DYM: variants seen among roughly 807,000 people sequenced by gnomAD.
The protein encoded by DYM is dyggve-Melchior-Clausen syndrome protein.
In DYM, 78 loss-of-function variants were observed where a neutral mutation model predicts 93.1. The observed-to-expected ratio is 0.84, with a 90% CI of 0.70 to 1.01. DYM has a LOEUF of 1.01. Ranked by LOEUF, DYM falls within the 50% of genes least tolerant of loss-of-function variation. The pLI is 0.00. For synonymous variants in DYM, 321 were observed against 319.7 expected (o/e 1.00, Z -0.04); for missense variants, 789 against 845.0 (o/e 0.93, Z 0.82).
At chr18:49,398,065 G>T (rs1312443092) in intron 2 of DYM, among the ~76,000 whole-genome samples, 1 of 152,024 alleles carries the variant, frequency 6.6e-6, no homozygotes, top group East Asian at 1.9e-4. Flanking sequence ...TGAATATCCC[G>T]TTACCTTAAG....
At chr18:49,447,227 G>C (rs545102571) in intron 1 of DYM, 6 of 152,280 alleles carry the variant, frequency 3.9e-5, no homozygotes, top group African/African-American at 1.2e-4. Flanking sequence ...AACATGGCTG[G>C]AACAGAAAAG....
At chr18:49,278,558 C>T (rs1222300423) in intron 10 of DYM, among the ~76,000 whole-genome samples, 3 of 152,074 alleles carry the variant, frequency 2.0e-5, no homozygotes, top group Admixed American at 2.0e-4. Flanking sequence ...TTAAGTGTGC[C>T]TCCTCCCATA....
At chr18:49,376,868 G>C (rs1353768671) in intron 5 of DYM, among the ~76,000 whole-genome samples, 1 of 152,162 alleles carries the variant, frequency 6.6e-6, no homozygotes, top group Non-Finnish European at 1.5e-5. Flanking sequence ...GAAAAAGATT[G>C]CAGTAAAACA....
At chr18:49,404,942 G>T (rs767674793) in intron 2 of DYM, among the ~76,000 whole-genome samples, 17 of 151,626 alleles carry the variant, frequency 1.1e-4, no homozygotes, top group Non-Finnish European at 1.8e-4. Context: ...GAACCTGGGA[G>T]GCAGAGGTTG....
chr18:49,142,811 T>C (rs2084671740), intron 15 of DYM, among the ~76,000 whole-genome samples: 1 of 152,182 alleles, frequency 6.6e-6, no homozygotes, highest in Non-Finnish European at 1.5e-5. Flanking sequence ...ACCAACACAG[T>C]AGCAACTTAT....
intron 16 of DYM, among the ~76,000 whole-genome samples, chr18:49,107,636 C>T (rs1315345559): frequency 6.6e-6 from 1 of 152,210 alleles, no homozygotes; most frequent in Non-Finnish European, 1.5e-5. Context: ...TCAGGACCCT[C>T]AGCTGCAGGT....
chr18:49,046,494 G>C (rs2071590141), intron 17 of DYM, among the ~76,000 whole-genome samples: 1 of 145,116 alleles, frequency 6.9e-6, no homozygotes, highest in African/African-American at 2.6e-5. Flanking sequence ...CACACACACA[G>C]ACATACACAG....
intron 14 of DYM, among the ~76,000 whole-genome samples, chr18:49,184,795 A>G (rs1469972057): frequency 6.6e-6 from 1 of 152,226 alleles, no homozygotes; most frequent in Non-Finnish European, 1.5e-5. Flanking sequence ...TAATATTTTT[A>G]GACTACATTT....
chr18:49,062,869 G>A (rs1395115271), intron 17 of DYM, among the ~76,000 whole-genome samples: 3 of 152,220 alleles, frequency 2.0e-5, no homozygotes, highest in African/African-American at 7.2e-5. Context: ...CTTTGAAAAT[G>A]AGGGTGGAAA....
chr18:49,299,551 A>G lies in DYM; in HGVS notation c.764-12935T>C, dbSNP rs139389303. ...AACACCCTGTCCACCCTCCACTACTAAACAACCCTGACATGCATACCCATC... is the reference window on the plus strand; with the variant it reads ...AACACCCTGTCCACCCTCCACTACTGAACAACCCTGACATGCATACCCATC... On this transcript the variant is annotated intron_variant, in intron 8 of 17. Transcript: ENST00000675505. 5.9e-5 allele frequency among the ~76,000 whole-genome samples: 9 copies of G among 152,226 alleles called. No homozygotes were observed. The East Asian group carries it at 1.5e-3, about 26-fold the overall frequency.
intron 1 of DYM, among the ~76,000 whole-genome samples, chr18:49,436,215 T>C (rs952693097): frequency 2.0e-5 from 3 of 152,136 alleles, no homozygotes; most frequent in African/African-American, 7.2e-5. Context: ...GGCGTCTTGC[T>C]ATGTTGCTGA....
At chr18:49,440,413 C>A (rs147022258) in intron 1 of DYM, among the ~76,000 whole-genome samples, 6,509 of 89,338 alleles carry the variant, frequency 0.073, 561 homozygotes, top group East Asian at 0.19. Context: ...ATTATATATG[C>A]TATATAATAT....
intron 2 of DYM, among the ~76,000 whole-genome samples, chr18:49,418,708 A>G (rs916445304): frequency 5.3e-5 from 8 of 152,344 alleles, no homozygotes; most frequent in Admixed American, 5.2e-4. Context: ...CTAGATTCAG[A>G]GTCTCCTCTA....
At chr18:49,298,665 T>C (rs755551296) in intron 8 of DYM, among the ~76,000 whole-genome samples, 3 of 152,140 alleles carry the variant, frequency 2.0e-5, no homozygotes, top group Non-Finnish European at 4.4e-5. Flanking sequence ...TTTTTAAGTT[T>C]AATTCCTTGA....
intron 2 of DYM, among the ~76,000 whole-genome samples, chr18:49,421,899 G>T (rs1486983887): frequency 6.6e-6 from 1 of 152,156 alleles, no homozygotes; most frequent in Non-Finnish European, 1.5e-5. Flanking sequence ...GAAAGAAAGG[G>T]TATCAGTGAT....
Position 49,043,848 on chromosome 18 carries a change from C to T in DYM, c.*207G>A, listed in dbSNP as rs1237033566. On this transcript the variant is annotated 3_prime_UTR_variant, in exon 18 of 18. Coordinates refer to ENST00000675505, the MANE Select transcript of DYM (RefSeq NM_001353214.3). ...TTATTATTGTTGTGTATTTCCTCCC[C>T]TTTTTGCAATACTATCTACGCTGAG... 6.3e-6 allele frequency: 4 copies of T among 632,220 alleles called. No homozygotes were observed. The highest frequency in any genetic ancestry group is 5.6e-6 in the Non-Finnish European group (2 of 360,234). The allele number at this position is 632,220 out of a possible 1,614,324, so 39.2% of individuals were successfully genotyped here. A position where few individuals can be genotyped will look rare whatever the true frequency, so the allele number is the denominator to read the frequency against.
chr18:49,175,535 A>T (rs1344897561), intron 14 of DYM, among the ~76,000 whole-genome samples: 1 of 152,202 alleles, frequency 6.6e-6, no homozygotes, highest in Non-Finnish European at 1.5e-5. Flanking sequence ...TAGGTTTATA[A>T]TAACTAGCTT....
intron 10 of DYM, among the ~76,000 whole-genome samples, chr18:49,281,110 AAAAC>A (rs1469871053): frequency 4.6e-5 from 7 of 152,358 alleles, no homozygotes; most frequent in Admixed American, 1.3e-4. Flanking sequence ...TTACAAGAAA[AAAAC>A]AAACAACCCC....
chr18:49,186,004 T>A (rs1004982606), intron 14 of DYM, among the ~76,000 whole-genome samples: 1 of 152,178 alleles, frequency 6.6e-6, no homozygotes, highest in African/African-American at 2.4e-5. Flanking sequence ...CTCAGGATTT[T>A]AATTTTTCCT....
Sources: allele counts gnomAD v4.1 joint callset (sites outside exome capture counted in the v4.1 genomes callset), GRCh38; gene constraint gnomAD v4.1.1; transcripts MANE v1.5; gene names NCBI Gene and HGNC (gene_info 2026-07-23, HGNC 2026-07-21).